SGCD: variants seen among roughly 807,000 people sequenced by gnomAD.
SGCD encodes the protein sarcoglycan delta.
A neutral mutation model predicts 36.6 loss-of-function variants in SGCD; 18 were observed. That is an observed-to-expected ratio of 0.49 (90% CI 0.34 to 0.73). The LOEUF (loss-of-function observed/expected upper bound fraction) is 0.73, where lower values mean the gene tolerates loss of function less well. Ranked by LOEUF, SGCD falls within the 30% of genes least tolerant of loss-of-function variation. The pLI is 0.01. For synonymous variants in SGCD, 133 were observed against 130.6 expected, an observed-to-expected ratio of 1.02 and a Z score of -0.12; for missense variants, 387 against 346.7, an observed-to-expected ratio of 1.12 and a Z score of -0.92.
chr5:156,013,353 C>T (rs1758901520), intron 1 of SGCD, among the ~76,000 whole-genome samples: 1 of 152,126 alleles, frequency 6.6e-6, no homozygotes, highest in Non-Finnish European at 1.5e-5. Context: ...TGCTTTCTTC[C>T]TTCAGGTTTG....
chr5:156,720,616 T>C, intron 7 of SGCD, among the ~76,000 whole-genome samples: 1 of 152,174 alleles, frequency 6.6e-6, no homozygotes, highest in East Asian at 1.9e-4. Context: ...CTGAGGTGGC[T>C]ACCACCTGTG....
At chr5:155,765,351 AGAGG>A in the SGCD span, among the ~76,000 whole-genome samples, 2 of 137,994 alleles carry the variant, frequency 1.4e-5, no homozygotes, top group Non-Finnish European at 3.1e-5. Context: ...AGGGAAAGAG[AGAGG>A]GAGGGAGGGA....
the SGCD span, among the ~76,000 whole-genome samples, chr5:155,836,481 G>T: frequency 5.0e-5 from 3 of 60,578 alleles, no homozygotes; most frequent in Non-Finnish European, 1.1e-4. Context: ...CCCCCGCCCC[G>T]CACTCAATCC....
At position 155,900,923 on chromosome 5, in the gene SGCD, G is replaced by T. The variant is rs180868942; in HGVS notation, c.-282+30499G>T. ...TTACTATCACCAAAATCAAGGTAATGAACGTATTTATCATTAAGGAAGTAT... is the reference window on the plus strand; with the variant it reads ...TTACTATCACCAAAATCAAGGTAATTAACGTATTTATCATTAAGGAAGTAT... On this transcript the variant is annotated intron_variant, in intron 1 of 9. Transcript: ENST00000517913. Among the ~76,000 whole-genome samples, 321 of 152,174 alleles carry T rather than the reference G, an allele frequency of 2.1e-3. 2 individuals are homozygous for T. The highest frequency in any genetic ancestry group is 0.014 in the Middle Eastern group (4 of 294).
At chr5:155,907,953 T>C (rs985943659) in intron 1 of SGCD, among the ~76,000 whole-genome samples, 4 of 152,054 alleles carry the variant, frequency 2.6e-5, no homozygotes, top group Non-Finnish European at 5.9e-5. Context: ...GGCTGCCAAC[T>C]TCATTGTTGT....
At chr5:156,070,684 T>G (rs1561705327) in intron 1 of SGCD, among the ~76,000 whole-genome samples, 1 of 152,164 alleles carries the variant, frequency 6.6e-6, no homozygotes, top group African/African-American at 2.4e-5. Context: ...TTCTATTGAT[T>G]GGAATAGTTT....
At chr5:156,693,942 A>C (rs761055349) in intron 7 of SGCD, among the ~76,000 whole-genome samples, 3 of 152,040 alleles carry the variant, frequency 2.0e-5, no homozygotes, top group Non-Finnish European at 4.4e-5. Context: ...TATTCTCCCC[A>C]TTCTTCATTA....
chr5:156,323,890 C>T (rs998425502), upstream of SGCD, among the ~76,000 whole-genome samples: 1 of 152,176 alleles, frequency 6.6e-6, no homozygotes, highest in South Asian at 2.1e-4. Flanking sequence ...GAACCGAGTA[C>T]AGTCCTATCG....
At chr5:155,944,227 A>G (rs1487970361) in intron 1 of SGCD, among the ~76,000 whole-genome samples, 2 of 152,180 alleles carry the variant, frequency 1.3e-5, no homozygotes, top group African/African-American at 4.8e-5. Flanking sequence ...TACTTACTGT[A>G]AATTAAGATC....
chr5:156,620,778 C>G (rs545915085), intron 6 of SGCD, among the ~76,000 whole-genome samples: 2 of 152,230 alleles, frequency 1.3e-5, no homozygotes, highest in African/African-American at 4.8e-5. Context: ...CATGTATCAG[C>G]ATATAGTAAA....
chr5:156,691,733 G>A (rs192900715), intron 7 of SGCD, among the ~76,000 whole-genome samples: 14 of 152,248 alleles, frequency 9.2e-5, no homozygotes, highest in South Asian at 2.1e-4. Flanking sequence ...AGATTTGGCC[G>A]ATGGGCCATA....
chr5:155,800,160 A>G, the SGCD span, among the ~76,000 whole-genome samples: 1 of 151,856 alleles, frequency 6.6e-6, no homozygotes, highest in Admixed American at 6.6e-5. Flanking sequence ...AATAGCATAA[A>G]TCTCCTTTAC....
chr5:155,856,610 G>A, the SGCD span, among the ~76,000 whole-genome samples: 2 of 152,058 alleles, frequency 1.3e-5, no homozygotes, highest in African/African-American at 2.4e-5. Flanking sequence ...TCCGATAAAG[G>A]ATCTGTTTAT....
At chr5:156,185,850 TAGAGAGAGAGAG>T (rs201378824) in intron 3 of SGCD, among the ~76,000 whole-genome samples, 35,089 of 52,282 alleles carry the variant, frequency 0.67, 10,787 homozygotes, top group East Asian at 0.82. Flanking sequence ...TATATATATA[TAGAGAGAGAGAG>T]AGAGAGAGAG....
At chr5:155,947,309 G>A (rs1208675373) in intron 1 of SGCD, among the ~76,000 whole-genome samples, 6 of 143,562 alleles carry the variant, frequency 4.2e-5, no homozygotes, top group Non-Finnish European at 9.3e-5. Context: ...GTGTGTGTGT[G>A]TGTGTGTGTG....
the SGCD span, among the ~76,000 whole-genome samples, chr5:155,743,481 A>G: frequency 9.8e-5 from 15 of 152,352 alleles, no homozygotes; most frequent in African/African-American, 3.6e-4. Flanking sequence ...AACTAAGAGC[A>G]ATGTATTTGG....
chr5:155,926,450 G>T (rs1756999122), intron 1 of SGCD, among the ~76,000 whole-genome samples: 1 of 152,114 alleles, frequency 6.6e-6, no homozygotes, highest in Non-Finnish European at 1.5e-5. Flanking sequence ...TAATAAGCTT[G>T]TTCAAAGAAT....
intron 3 of SGCD, among the ~76,000 whole-genome samples, chr5:156,481,507 G>T (rs1197503711): frequency 6.6e-6 from 1 of 151,986 alleles, no homozygotes; most frequent in African/African-American, 2.4e-5. Flanking sequence ...AATACACTTT[G>T]TGGATCCAAA....
At chr5:156,618,701 C>T (rs1762113868) in intron 6 of SGCD, among the ~76,000 whole-genome samples, 3 of 151,584 alleles carry the variant, frequency 2.0e-5, no homozygotes, top group African/African-American at 7.3e-5. Context: ...TACAGTGGTT[C>T]GGTTTTCCCC....
Sources: allele counts gnomAD v4.1 joint callset (sites outside exome capture counted in the v4.1 genomes callset), GRCh38; gene constraint gnomAD v4.1.1; transcripts MANE v1.5; gene names NCBI Gene and HGNC (gene_info 2026-07-23, HGNC 2026-07-21).